The following NCAM1 variants were observed in gnomAD, a reference collection of about 807,000 sequenced individuals.
The protein encoded by NCAM1 is antigen recognized by monoclonal antibody 5.1H11.
In NCAM1, 14 loss-of-function variants were observed where a neutral mutation model predicts 109.8. The observed-to-expected ratio is 0.13, with a 90% CI of 0.08 to 0.20. NCAM1 has a LOEUF of 0.20. Among genes scored for constraint, NCAM1 ranks in the 10% least tolerant of loss-of-function variants. The probability of loss-of-function intolerance (pLI) is 1.00; values close to 1 mark genes in which losing one functional copy is unlikely to be tolerated. For missense variants in NCAM1, 774 were observed against 1,109.9 expected (o/e 0.70, Z 4.30); for synonymous variants, 418 against 442.9 (o/e 0.94, Z 0.70).
chr11:113,172,573 G>T (rs1414274875), intron 1 of NCAM1, among the ~76,000 whole-genome samples: 3 of 152,164 alleles, frequency 2.0e-5, no homozygotes, highest in African/African-American at 7.2e-5. Context: ...GATTTTAGAA[G>T]ATTGCACATT....
At chr11:113,011,954 CCTT>C (rs1283963774) in intron 1 of NCAM1, among the ~76,000 whole-genome samples, 1 of 145,172 alleles carries the variant, frequency 6.9e-6, no homozygotes, top group African/African-American at 2.6e-5. Context: ...TCTCTCCTCT[CCTT>C]CTCTCCTTTC....
intron 14 of NCAM1, chr11:113,240,849 T>C: frequency 6.2e-7 from 1 of 1,610,938 alleles, no homozygotes; most frequent in Non-Finnish European, 8.5e-7. Context: ...TATCATTTTC[T>C]TCATCCATCT....
At chr11:113,226,637 G>T (rs1308770644) in intron 9 of NCAM1, among the ~76,000 whole-genome samples, 1 of 152,174 alleles carries the variant, frequency 6.6e-6, no homozygotes, top group African/African-American at 2.4e-5. Flanking sequence ...ATTCTTCTCA[G>T]CACCACACCG....
chr11:113,038,096 C>T (rs1390401231), intron 1 of NCAM1, among the ~76,000 whole-genome samples: 2 of 152,212 alleles, frequency 1.3e-5, no homozygotes, highest in Non-Finnish European at 2.9e-5. Context: ...GTCAGTCCCT[C>T]CATCTGAAGT....
chr11:112,993,266 A>G (rs530588952), intron 1 of NCAM1, among the ~76,000 whole-genome samples: 44 of 152,280 alleles, frequency 2.9e-4, no homozygotes, highest in African/African-American at 9.9e-4. Context: ...AGAAGGCAAA[A>G]AGGGTACAGG....
At chr11:113,074,407 T>C (rs781921733) in intron 1 of NCAM1, among the ~76,000 whole-genome samples, 1 of 152,152 alleles carries the variant, frequency 6.6e-6, no homozygotes, top group African/African-American at 2.4e-5. Flanking sequence ...TGGGCTTACT[T>C]TGAAGCAACT....
rs1250490259 is a variant in NCAM1, at chr11:113,264,598, C to T, written c.2131+4275C>T. 3 of 985,558 alleles carry T rather than the reference C, an allele frequency of 3.0e-6. 1 individual carries two copies. Among genetic ancestry groups the T allele is most frequent in the Admixed American group, 1.2e-4 (2 of 16,288 alleles). The allele number at this position is 985,558 out of a possible 1,614,324, so 61.1% of individuals were successfully genotyped here. A position where few individuals can be genotyped will look rare whatever the true frequency, so the allele number is the denominator to read the frequency against. On this transcript the variant is annotated intron_variant, in intron 17 of 19. Coordinates refer to ENST00000316851, the MANE Select transcript of NCAM1 (RefSeq NM_181351.5). Reference sequence around the variant, plus strand: ...TTAGGATCACCTTGGGCAGAAGTCACACGGCTTCATCCTAGGAGGGCCCAG... The same window carrying T: ...TTAGGATCACCTTGGGCAGAAGTCATACGGCTTCATCCTAGGAGGGCCCAG...
At position 113,023,499 on chromosome 11, in the gene NCAM1, T is replaced by A. The variant is rs1050186203; in HGVS notation, c.52+61835T>A. On this transcript the variant is annotated intron_variant, in intron 1 of 19. Coordinates refer to ENST00000316851, the MANE Select transcript of NCAM1 (RefSeq NM_181351.5). ...TTTTTCATTCATTTCAATGACCATC[T>A]CCAGGAATAAAAAACATTCTGAAAG... Among the ~76,000 whole-genome samples, 19 of 152,248 alleles carry A rather than the reference T, an allele frequency of 1.2e-4. 1 individual carries two copies. The highest frequency in any genetic ancestry group is 2.2e-4 in the Non-Finnish European group (15 of 68,016).
chr11:113,125,760 G>A (rs1941148219), intron 1 of NCAM1, among the ~76,000 whole-genome samples: 1 of 152,186 alleles, frequency 6.6e-6, no homozygotes, highest in African/African-American at 2.4e-5. Context: ...TTCATCATCT[G>A]TGGAATCTGT....
At chr11:113,051,532 TA>T (rs35988681) in intron 1 of NCAM1, among the ~76,000 whole-genome samples, 60,929 of 151,916 alleles carry the variant, frequency 0.4, 14,410 homozygotes, top group Middle Eastern at 0.55. Flanking sequence ...AACTACCACC[TA>T]AAAAAAATAA....
At chr11:113,248,678 A>T (rs1208693728) in intron 15 of NCAM1, among the ~76,000 whole-genome samples, 1 of 152,182 alleles carries the variant, frequency 6.6e-6, no homozygotes, top group Non-Finnish European at 1.5e-5. Context: ...GCATAACCTA[A>T]GCTGGATGCT....
chr11:113,268,850 T>A (rs945584624), intron 17 of NCAM1, among the ~76,000 whole-genome samples: 4 of 150,998 alleles, frequency 2.6e-5, no homozygotes, highest in Non-Finnish European at 4.4e-5. Flanking sequence ...GGGTTGGGAG[T>A]GGGGTGGCTG....
Position 113,271,828 on chromosome 11 carries a change from G to A in NCAM1, c.2408G>A (p.Gly803Glu). ...TEEERTPNHDGGKHTEPNETT... is the reference protein window; with the variant it reads ...TEEERTPNHDEGKHTEPNETT... ...GAGGAGAGGACCCCAAACCATGATG[G>A]AGGGAAACACACAGAGCCCAACGAG... Residue 803 changes from glycine to glutamate, a missense_variant, in exon 19 of 20, where the codon GGA (glycine) becomes GAA (glutamate). Gly to Glu is a moderately conservative substitution (Grantham distance 98). This residue lies in a region of NCAM1 where 122 missense variants were observed against 129.7 expected (regional missense o/e 0.94). Coordinates refer to ENST00000316851, the MANE Select transcript of NCAM1 (RefSeq NM_181351.5). 6.4e-7 allele frequency: 1 copy of A among 1,573,556 alleles called. No homozygotes were observed. Among genetic ancestry groups the A allele is most frequent in the East Asian group, 2.4e-5 (1 of 42,290 alleles).
intron 1 of NCAM1, among the ~76,000 whole-genome samples, chr11:113,029,573 A>T (rs1952654351): frequency 6.6e-6 from 1 of 152,222 alleles, no homozygotes; most frequent in African/African-American, 2.4e-5. Context: ...GCCAGTTCAG[A>T]TGACAGCAGG....
At chr11:113,264,693 G>T in intron 17 of NCAM1, 1 of 985,436 alleles carries the variant, frequency 1.0e-6, no homozygotes, top group South Asian at 4.7e-5. Flanking sequence ...CTTTCTGAAG[G>T]GACCCTTTGG....
intron 1 of NCAM1, among the ~76,000 whole-genome samples, chr11:113,055,241 T>C (rs1953651336): frequency 6.6e-6 from 1 of 152,210 alleles, no homozygotes; most frequent in South Asian, 2.1e-4. Context: ...ATTATTAAGA[T>C]ATATTTAATA....
At chr11:113,269,844 T>G (rs1244491126) in intron 17 of NCAM1, 10 of 352,350 alleles carry the variant, frequency 2.8e-5, no homozygotes, top group Non-Finnish European at 4.8e-5. Context: ...TTTGCCCTGG[T>G]CCAGGGGAAA....
At chr11:113,164,740 C>G (rs1334078498) in intron 1 of NCAM1, among the ~76,000 whole-genome samples, 3 of 152,210 alleles carry the variant, frequency 2.0e-5, no homozygotes, top group African/African-American at 7.2e-5. Flanking sequence ...TTTGCCTGGT[C>G]AGCAGCCCAG....
chr11:113,207,248 T>G lies in NCAM1; in HGVS notation c.629-13T>G. 2 of 1,608,038 alleles carry G rather than the reference T, an allele frequency of 1.2e-6. No individual in the cohort carries two copies. Among genetic ancestry groups the G allele is most frequent in the Non-Finnish European group, 1.7e-6 (2 of 1,174,976 alleles). ...TTTTCACAACCACCCCATGACACCCTTTTTTCCTTCAGTGCCACCTACCAT... is the reference window on the plus strand; with the variant it reads ...TTTTCACAACCACCCCATGACACCCGTTTTTCCTTCAGTGCCACCTACCAT... On this transcript the variant is annotated splice_polypyrimidine_tract_variant and intron_variant, in intron 5 of 19. Transcript: ENST00000316851.
Sources: gnomAD v4.1 joint callset for allele counts (sites outside exome capture counted in the v4.1 genomes callset) on GRCh38, gnomAD v4.1.1 for gene constraint, gnomAD v4.1.1 regional missense constraint, MANE v1.5 for transcripts, NCBI Gene and HGNC (gene_info 2026-07-23, HGNC 2026-07-21) for gene names.